DNAH12: variants seen among roughly 807,000 people sequenced by gnomAD.
DNAH12 encodes axonemal beta dynein heavy chain 12.
A neutral mutation model predicts 371.5 loss-of-function variants in DNAH12; 285 were observed. That is an observed-to-expected ratio of 0.77 (90% CI 0.70 to 0.85). The LOEUF is 0.85. Ranked by LOEUF, DNAH12 falls within the 40% of genes least tolerant of loss-of-function variation. The pLI is 0.00. For synonymous variants in DNAH12, 1,200 were observed against 1,213.0 expected, an observed-to-expected ratio of 0.99 and a Z score of 0.22; for missense variants, 3,611 against 3,689.4, an observed-to-expected ratio of 0.98 and a Z score of 0.55.
At position 57,523,856 on chromosome 3, in the gene DNAH12, T is replaced by C; in HGVS notation, c.199A>G (p.Arg67Gly). ...VIDGAKRNLD[R>G]TLGKRTPLLP... ...AGAGGTGTTCTTTTACCCAGTGTTC[T>C]GTCTAAATTTCTTTTGGCTCCATCA... Residue 67 changes from arginine (R) to glycine (G), a missense_variant, in exon 3 of 74, where the codon AGA becomes GGA. This residue lies in a region of DNAH12 where 1,314 missense variants were observed against 1,398.7 expected (regional missense o/e 0.94). Transcript: ENST00000495027. 1.2e-6 allele frequency: 2 copies of C among 1,605,530 alleles called. No homozygotes were observed. Among genetic ancestry groups the C allele is most frequent in the South Asian group, 1.1e-5 (1 of 89,050 alleles).
intron 60 of DNAH12, 135 bp downstream of exon 60, chr3:57,351,950 T>C (rs1438338435): frequency 1.2e-5 from 10 of 865,678 alleles, no homozygotes; most frequent in African/African-American, 7.0e-5. Context: ...GCCATTGTTA[T>C]CAGTGAAATG....
chr3:57,442,005 A>C (rs1273539234), intron 29 of DNAH12, among the ~76,000 whole-genome samples: 1 of 152,184 alleles, frequency 6.6e-6, no homozygotes, highest in Non-Finnish European at 1.5e-5. Flanking sequence ...GAAAGGCAGC[A>C]GTCTATGAAA....
intron 42 of DNAH12, 41 bp from the exon 43 acceptor site, chr3:57,403,542 A>G (rs1553679878): frequency 1.3e-6 from 2 of 1,488,192 alleles, no homozygotes; most frequent in South Asian, 2.6e-5. Context: ...TTACAATATA[A>G]ATGTAAATGT....
At position 57,309,159 on chromosome 3, in the gene DNAH12, T is replaced by C. The variant is rs972482143; in HGVS notation, c.11181A>G (p.Arg3727=). Residue 3727 remains arginine, a synonymous_variant, in exon 69 of 74, where the codon AGA becomes AGG. Transcript: ENST00000495027. The part of the protein sequence containing the change: ...MNTVLVQEME[R]FNNLIITIRN... ...GGGATATAGATCCTTACTTGTTAAA[T>C]CTTTCCATTTCTTGTACTAACACAG... 1.3e-6 allele frequency: 2 copies of C among 1,542,114 alleles called. No homozygotes were observed. The highest frequency in any genetic ancestry group is 1.7e-6 in the Non-Finnish European group (2 of 1,143,198).
At chr3:57,386,314 G>C (rs1202314584) in intron 47 of DNAH12, 127 bp downstream of exon 47, 2 of 152,080 alleles carry the variant, frequency 1.3e-5, no homozygotes, top group East Asian at 3.9e-4. Context: ...AATAACTGAA[G>C]GAATAGATGT....
chr3:57,512,904 C>T (rs1282744800), intron 4 of DNAH12, among the ~76,000 whole-genome samples: 5 of 151,858 alleles, frequency 3.3e-5, no homozygotes, highest in Admixed American at 6.6e-5. Flanking sequence ...TTTGGGAGGC[C>T]GAGGCGGGTG....
intron 31 of DNAH12, 33 bp downstream of exon 31, chr3:57,433,612 T>C (rs183702816): frequency 1.3e-6 from 2 of 1,532,496 alleles, no homozygotes; most frequent in Admixed American, 4.1e-5. Context: ...GCACTTTCCA[T>C]AAGAGAGTTG....
intron 2 of DNAH12, among the ~76,000 whole-genome samples, chr3:57,528,200 G>C (rs541355249): frequency 4.9e-4 from 75 of 151,620 alleles, no homozygotes; most frequent in African/African-American, 1.8e-3. Flanking sequence ...GGTTAATTTT[G>C]TATTTTTAGT....
In DNAH12 at chr3:57,434,260, C is replaced by A. The variant is rs542041468; in HGVS notation, c.4656-432G>T. On this transcript the variant is annotated intron_variant, in intron 30 of 73. Coordinates refer to ENST00000495027, the MANE Select transcript of DNAH12 (RefSeq NM_001366028.2). ...GCCCTCTTGTGGAAAGACTAGGTAA[C>A]TAGTTCTAACCAACGGGTAATAAAT... Among the ~76,000 whole-genome samples, 6 of 151,560 alleles carry A rather than the reference C, an allele frequency of 4.0e-5. 1 individual carries two copies. The South Asian group carries it at 1.2e-3, about 31-fold the overall frequency.
intron 69 of DNAH12, 69 bp downstream of exon 69, chr3:57,309,082 C>G (rs1269108331): frequency 7.8e-7 from 1 of 1,282,430 alleles, no homozygotes; most frequent in Admixed American, 2.8e-5. Context: ...CACTTCAACA[C>G]TATTTTATTT....
At chr3:57,424,116 A>G (rs148516847) in intron 35 of DNAH12, among the ~76,000 whole-genome samples, 1,694 of 152,218 alleles carry the variant, frequency 0.011, 29 homozygotes, top group African/African-American at 0.038. Flanking sequence ...TAATTCACCT[A>G]ATGTCCAAAT....
chr3:57,346,879 A>G (rs1224423346), intron 60 of DNAH12, among the ~76,000 whole-genome samples: 1 of 148,050 alleles, frequency 6.8e-6, no homozygotes, highest in Non-Finnish European at 1.5e-5. Context: ...CATTACGTAA[A>G]GATAAAGAAG....
At chr3:57,435,373 C>CAAAAAAAAAAAA (rs34515598) in intron 30 of DNAH12, among the ~76,000 whole-genome samples, 7 of 94,740 alleles carry the variant, frequency 7.4e-5, no homozygotes, top group Admixed American at 1.4e-4. Context: ...CTCTGTCTCC[C>CAAAAAAAAAAAA]AAAAAAAAAA....
At chr3:57,406,775 A>G (rs2064041558) in intron 40 of DNAH12, among the ~76,000 whole-genome samples, 1 of 152,108 alleles carries the variant, frequency 6.6e-6, no homozygotes, top group Non-Finnish European at 1.5e-5. Flanking sequence ...TTTATATCTA[A>G]ATTGGCTTTA....
At chr3:57,309,577 C>T in intron 68 of DNAH12, 89 bp downstream of exon 68, 2 of 1,232,648 alleles carry the variant, frequency 1.6e-6, no homozygotes, top group Non-Finnish European at 2.1e-6. Flanking sequence ...TGCTCAAGAT[C>T]ATAATGCTAG....
At chr3:57,399,749 T>TA (rs1418648734) in intron 43 of DNAH12, among the ~76,000 whole-genome samples, 1 of 152,200 alleles carries the variant, frequency 6.6e-6, no homozygotes, top group Non-Finnish European at 1.5e-5. Context: ...ATCCTCAGCC[T>TA]ACCCAACATG....
At chr3:57,378,440 G>A (rs1460367464) in intron 52 of DNAH12, among the ~76,000 whole-genome samples, 2 of 151,922 alleles carry the variant, frequency 1.3e-5, no homozygotes, top group African/African-American at 4.8e-5. Context: ...TCTCTCTACA[G>A]GTACATGTAC....
rs899584031 is a variant in DNAH12, at chr3:57,445,381, A to G, written c.4218T>C (p.Tyr1406=). Residue 1406 remains tyrosine, a synonymous_variant, in exon 28 of 74, where the codon TAT becomes TAC. Coordinates refer to ENST00000495027, the MANE Select transcript of DNAH12 (RefSeq NM_001366028.2). ...AGAGGGAGATTTCTGCTATAAGCGC[A>G]TAGTTTGGAACCATCATAGCCACTG... The part of the protein sequence containing the change: ...FRTVAMMVPN[Y]ALIAEISLYS... 8.4e-6 allele frequency: 13 copies of G among 1,550,352 alleles called. No individual in the cohort carries two copies. Among genetic ancestry groups the G allele is most frequent in the Non-Finnish European group, 1.1e-5 (13 of 1,146,654 alleles).
intron 34 of DNAH12, among the ~76,000 whole-genome samples, chr3:57,427,138 A>ATGTGATATGTGTGTGTGTG (rs564544771): frequency 3.6e-5 from 5 of 138,784 alleles, no homozygotes; most frequent in African/African-American, 1.4e-4. Flanking sequence ...TAAGAAGCGA[A>ATGTGATATGTGTGTGTGTG]TGTGTGTGTG....
Sources: allele counts gnomAD v4.1 joint callset (sites outside exome capture counted in the v4.1 genomes callset), GRCh38; gene constraint gnomAD v4.1.1; regional missense constraint gnomAD v4.1.1; transcripts MANE v1.5; gene names NCBI Gene and HGNC (gene_info 2026-07-23, HGNC 2026-07-21).